The following CCDC181 variants were observed in gnomAD, a reference collection of about 807,000 sequenced individuals.
CCDC181 encodes coiled-coil domain containing 181.
A neutral mutation model predicts 58.7 loss-of-function variants in CCDC181; 35 were observed. That is an observed-to-expected ratio of 0.60 (90% CI 0.46 to 0.79). The LOEUF is 0.79. Among genes scored for constraint, CCDC181 ranks in the 30% least tolerant of loss-of-function variants. The probability of loss-of-function intolerance (pLI) is 0.00; values close to 1 mark genes in which losing one functional copy is unlikely to be tolerated. For synonymous variants in CCDC181, 183 were observed against 197.5 expected, an observed-to-expected ratio of 0.93 and a Z score of 0.62; for missense variants, 517 against 583.9, an observed-to-expected ratio of 0.89 and a Z score of 1.18.
upstream of CCDC181, among the ~76,000 whole-genome samples, chr1:169,429,767 T>C (rs893444481): frequency 3.3e-5 from 5 of 152,248 alleles, no homozygotes; most frequent in Non-Finnish European, 5.9e-5. Context: ...CTGTTTACTC[T>C]GCTGATTATT....
rs137855652 is a variant in CCDC181 at position 169,421,931 on chromosome 1, T to C, written c.500A>G (p.Glu167Gly). The C allele has an allele frequency of 5.9e-4, 952 of 1,613,956 alleles. 1 individual carries two copies. Among genetic ancestry groups the C allele is most frequent in the Non-Finnish European group, 7.2e-4 (846 of 1,179,944 alleles). ...QLVDLEVPPL[E>G]DTTTFKNYFE... The stretch of plus-strand genomic sequence containing the variant: ...ATAATTTTTAAAAGTAGTAGTGTCT[T>C]CTAGTGGAGGAACTTCCAAATCAAC... The change falls in exon 3 of 6, where the codon GAA (glutamate) becomes GGA (glycine). Residue 167 changes from glutamate to glycine, a missense_variant. Transcript: ENST00000367806.
At chr1:169,445,227 G>A (rs564029702) in intron 2 of CCDC181, among the ~76,000 whole-genome samples, 3 of 152,110 alleles carry the variant, frequency 2.0e-5, no homozygotes, top group East Asian at 3.9e-4. Context: ...TCTTAGGGGG[G>A]ACAAAATGCC....
In CCDC181 at chr1:169,421,950, A is replaced by T. The variant is rs372369826; in HGVS notation, c.481T>A (p.Leu161Met). 4 of 1,613,932 alleles carry T rather than the reference A, an allele frequency of 2.5e-6. No homozygotes were observed. Among genetic ancestry groups the T allele is most frequent in the African/African-American group, 1.3e-5 (1 of 74,912 alleles). The change falls in exon 3 of 6, where the codon TTG (leucine) becomes ATG (methionine). Residue 161 changes from leucine (L) to methionine (M), a missense_variant. Leu to Met is a conservative substitution (Grantham distance 15, BLOSUM62 2). Coordinates refer to ENST00000367806, the MANE Select transcript of CCDC181 (RefSeq NM_001300969.2). ...GTGTCTTCTAGTGGAGGAACTTCCA[A>T]ATCAACTAACTGGTCCTTGAACTTA... is the stretch of plus-strand genomic sequence containing the variant. ...KLKFKDQLVD[L>M]EVPPLEDTTT...
intron 2 of CCDC181, among the ~76,000 whole-genome samples, chr1:169,437,495 G>T (rs1255629477): frequency 6.6e-6 from 1 of 152,228 alleles, no homozygotes; most frequent in African/African-American, 2.4e-5. Flanking sequence ...TTGGAGGTTA[G>T]AAACAAGGTG....
chr1:169,422,623 C>A (rs1656532438), intron 2 of CCDC181, among the ~76,000 whole-genome samples: 1 of 151,946 alleles, frequency 6.6e-6, no homozygotes, highest in Non-Finnish European at 1.5e-5. Context: ...TATTCCTTCC[C>A]CTATAAAATT....
intron 4 of CCDC181, among the ~76,000 whole-genome samples, chr1:169,401,179 G>C (rs924588111): frequency 1.3e-5 from 2 of 152,240 alleles, no homozygotes; most frequent in Admixed American, 1.3e-4. Context: ...GCTGACCACA[G>C]CTCAAGGAGG....
In CCDC181 at chr1:169,397,400, A is replaced by G; in HGVS notation, c.1216-9T>C. ...GGATCTCTGTTTTCCTGCTGATTAG[A>G]AAAACAAGCTTTACTTAGTTTAGAT... is the stretch of plus-strand genomic sequence containing the variant. On this transcript the variant is annotated splice_polypyrimidine_tract_variant and intron_variant, in intron 4 of 5. Coordinates refer to ENST00000367806, the MANE Select transcript of CCDC181 (RefSeq NM_001300969.2). 1 of 1,595,210 alleles carries G rather than the reference A, an allele frequency of 6.3e-7. No homozygotes were observed. Among genetic ancestry groups the G allele is most frequent in the Non-Finnish European group, 8.5e-7 (1 of 1,172,794 alleles).
chr1:169,437,053 G>A (rs570420788), intron 2 of CCDC181, among the ~76,000 whole-genome samples: 29 of 152,132 alleles, frequency 1.9e-4, no homozygotes, highest in South Asian at 6.2e-4. Context: ...CTCCCCAAGC[G>A]TTCAGGGATC....
At chr1:169,456,614 A>T (rs1402935847) in intron 2 of CCDC181, among the ~76,000 whole-genome samples, 2 of 152,034 alleles carry the variant, frequency 1.3e-5, no homozygotes, top group African/African-American at 4.8e-5. Flanking sequence ...AATAAAAGAG[A>T]GATCTAAGTT....
At chr1:169,425,039 A>G (rs767040157) in intron 1 of CCDC181, 89 bp from the exon 2 acceptor site, 18 of 520,264 alleles carry the variant, frequency 3.5e-5, no homozygotes, top group Non-Finnish European at 6.3e-5. Context: ...TAAGCTAATT[A>G]ACACAGAGAA....
chr1:169,431,794 G>A (rs1328448496), upstream of CCDC181, among the ~76,000 whole-genome samples: 1 of 152,180 alleles, frequency 6.6e-6, no homozygotes, highest in Non-Finnish European at 1.5e-5. Context: ...GAGGGTCTAT[G>A]TTCTGATAAT....
chr1:169,437,051 G>C (rs911125767), intron 2 of CCDC181, among the ~76,000 whole-genome samples: 2 of 152,030 alleles, frequency 1.3e-5, no homozygotes, highest in Non-Finnish European at 2.9e-5. Flanking sequence ...GTCTCCCCAA[G>C]CGTTCAGGGA....
At chr1:169,416,748 G>GT (rs201516516) in intron 4 of CCDC181, among the ~76,000 whole-genome samples, 1,626 of 151,908 alleles carry the variant, frequency 0.011, 37 homozygotes, top group African/African-American at 0.038. Flanking sequence ...TTACTATATG[G>GT]TATCAGTCAA....
At chr1:169,429,296 C>A (rs971505755), upstream of CCDC181, among the ~76,000 whole-genome samples, 10 of 152,248 alleles carry the variant, frequency 6.6e-5, no homozygotes, top group South Asian at 2.1e-4. Flanking sequence ...ATAATGACTT[C>A]TTTTCCTCTG....
chr1:169,424,939 G>T lies in CCDC181; in HGVS notation c.-12C>A. ...TTATTTTCATTCATTTTCTGTTTGT[G>T]AAGGAAATATGCTGTAAGATTTTAA... On this transcript the variant is annotated 5_prime_UTR_variant, in exon 2 of 6. Transcript: ENST00000367806. The T allele has an allele frequency of 6.8e-7, 1 of 1,466,824 alleles. No homozygotes were observed. Among genetic ancestry groups the T allele is most frequent in the Non-Finnish European group, 9.5e-7 (1 of 1,049,934 alleles). The allele number at this position is 1,466,824 out of a possible 1,614,324, so 90.9% of individuals were successfully genotyped here. A position where few individuals can be genotyped will look rare whatever the true frequency, so the allele number is the denominator to read the frequency against.
In CCDC181 at chr1:169,424,862, G is replaced by A. The variant is rs780208241; in HGVS notation, c.66C>T (p.Asp22=). 6.2e-7 allele frequency: 1 copy of A among 1,608,434 alleles called. No individual in the cohort carries two copies. The highest frequency in any genetic ancestry group is 1.1e-5 in the South Asian group (1 of 90,652). ...SEEYEDDFEK[D]LEWLINENEK... is the part of the protein sequence containing the mutation. ...CATTTTCATTAATTAACCACTCCAG[G>A]TCCTTTTCAAAGTCATCTTCGTATT... Residue 22 remains aspartate, a synonymous_variant, in exon 2 of 6, where the codon GAC becomes GAT. Coordinates refer to ENST00000367806, the MANE Select transcript of CCDC181 (RefSeq NM_001300969.2).
At chr1:169,448,799 A>G (rs1360579329) in intron 2 of CCDC181, among the ~76,000 whole-genome samples, 1 of 152,082 alleles carries the variant, frequency 6.6e-6, no homozygotes, top group African/African-American at 2.4e-5. Context: ...AACAATGTGT[A>G]TGTTACATCT....
intron 4 of CCDC181, among the ~76,000 whole-genome samples, chr1:169,407,845 CT>C (rs981492006): frequency 2.0e-5 from 3 of 152,290 alleles, no homozygotes; most frequent in African/African-American, 7.2e-5. Flanking sequence ...ACTCCCTCCC[CT>C]AGCCAAGGGA....
chr1:169,438,690 G>A (rs567616414), intron 2 of CCDC181, among the ~76,000 whole-genome samples: 35 of 152,276 alleles, frequency 2.3e-4, no homozygotes, highest in Admixed American at 9.8e-4. Context: ...ATCACCTCCA[G>A]ATGGTAATTC....
Sources: gnomAD v4.1 joint callset for allele counts (sites outside exome capture counted in the v4.1 genomes callset) on GRCh38, gnomAD v4.1.1 for gene constraint, MANE v1.5 for transcripts, NCBI Gene and HGNC (gene_info 2026-07-23, HGNC 2026-07-21) for gene names.